Variants in ELAC2 observed in about 807,000 individuals in gnomAD.
The protein encoded by ELAC2 is elaC ribonuclease Z 2.
A neutral mutation model predicts 105.2 loss-of-function variants in ELAC2; 92 were observed. That is an observed-to-expected ratio of 0.87 (90% CI 0.74 to 1.04). The LOEUF (loss-of-function observed/expected upper bound fraction) is 1.04. Ranked by LOEUF, ELAC2 falls within the 50% of genes least tolerant of loss-of-function variation. The pLI is 0.00. For synonymous variants in ELAC2, 468 were observed against 409.1 expected (o/e 1.14, Z -1.74); for missense variants, 1,099 against 1,071.7 (o/e 1.03, Z -0.36).
rs1181801920 is a variant in ELAC2 at position 13,002,342 on chromosome 17, G to A, written c.1236C>T (p.Leu412=). The change falls in exon 14 of 24, where the codon CTC becomes CTT. Residue 412 remains leucine (L), a synonymous_variant. Transcript: ENST00000338034. ...SFRCKKEGPT[L]SVPMVQGECL... ...ATTCACCCTGAACCATGGGCACACT[G>A]AGGGTGGGGCCCTCCTTCTGAAAGA... The A allele has an allele frequency of 6.2e-7, 1 of 1,614,104 alleles. No individual in the cohort carries two copies. Among genetic ancestry groups the A allele is most frequent in the Non-Finnish European group, 8.5e-7 (1 of 1,180,050 alleles).
intron 14 of ELAC2, 43 bp from the exon 15 acceptor site, chr17:13,000,317 T>C (rs373784693): frequency 1.3e-6 from 2 of 1,572,636 alleles, no homozygotes; most frequent in African/African-American, 2.7e-5. Context: ...GGACAGGGTA[T>C]ATGGCCTCAG....
chr17:13,013,507 G>A lies in ELAC2; in HGVS notation c.491-232C>T, dbSNP rs113988750. 8.3e-4 allele frequency among the ~76,000 whole-genome samples: 125 copies of A among 151,240 alleles called. 2 individuals carry two copies. Among genetic ancestry groups the A allele is most frequent in the African/African-American group, 2.9e-3 (121 of 41,208 alleles). ...CAGATGAAAAGACATTATAATCTTTGGTGACTATCCGTTAAAAATTGAAAA... is the reference window on the plus strand; with the variant it reads ...CAGATGAAAAGACATTATAATCTTTAGTGACTATCCGTTAAAAATTGAAAA... On this transcript the variant is annotated intron_variant, in intron 5 of 23. Coordinates refer to ENST00000338034, the MANE Select transcript of ELAC2 (RefSeq NM_018127.7).
intron 11 of ELAC2, among the ~76,000 whole-genome samples, chr17:13,004,458 A>G (rs1256660109): frequency 6.6e-6 from 1 of 152,242 alleles, no homozygotes; most frequent in African/African-American, 2.4e-5. Flanking sequence ...AGGTGGGTCA[A>G]AGATGATTCC....
chr17:12,993,085 G>A (rs764819139), intron 23 of ELAC2, 40 bp from the exon 24 acceptor site: 14 of 1,586,318 alleles, frequency 8.8e-6, no homozygotes, highest in Non-Finnish European at 1.7e-6. Flanking sequence ...GTCTCAGAGG[G>A]GCAGGGGTGG....
At chr17:13,002,250 C>T (rs1284232193) in intron 14 of ELAC2, 24 bp downstream of exon 14, 2 of 1,613,238 alleles carry the variant, frequency 1.2e-6, no homozygotes, top group Admixed American at 1.7e-5. Context: ...TGAGACGATT[C>T]CATTAGTTCA....
intron 15 of ELAC2, 87 bp downstream of exon 15, chr17:13,000,068 GC>G: frequency 8.2e-7 from 1 of 1,217,014 alleles, no homozygotes. Flanking sequence ...GTTAGAATGC[GC>G]CCCACCAGCA....
In ELAC2 at chr17:12,997,059, G is replaced by A. The variant is rs577726106; in HGVS notation, c.1521-374C>T. 8.5e-5 allele frequency among the ~76,000 whole-genome samples: 13 copies of A among 152,212 alleles called. No individual in the cohort carries two copies. In the East Asian group the frequency reaches 2.1e-3, roughly 25 times the overall value. ...GTTGAAAATACCAGGACAGGCACTG[G>A]GCCATATGAGACTCTTTCTAGGTCC... On this transcript the variant is annotated intron_variant, in intron 16 of 23. Transcript: ENST00000338034.
Position 13,014,432 on chromosome 17 carries a change from G to A in ELAC2, c.490+7C>T, listed in dbSNP as rs766911112. 2 of 1,610,074 alleles carry A rather than the reference G, an allele frequency of 1.2e-6. No homozygotes were observed. The highest frequency in any genetic ancestry group is 3.3e-5 in the Admixed American group (2 of 59,988). On this transcript the variant is annotated splice_region_variant and intron_variant, in intron 5 of 23. Transcript: ENST00000338034. Reference sequence around the variant, plus strand: ...TAGCAGAGGATGAGTCACAGACAAAGACGTACCCAGTTCTATTCCTTTCAA... The same window carrying A: ...TAGCAGAGGATGAGTCACAGACAAAAACGTACCCAGTTCTATTCCTTTCAA...
At chr17:13,017,647 C>CA in intron 1 of ELAC2, 56 bp downstream of exon 1, 1 of 1,611,756 alleles carries the variant, frequency 6.2e-7, no homozygotes, top group South Asian at 1.1e-5. Context: ...CCCCGATGCT[C>CA]AGAGGCTGCG....
chr17:13,017,985 A>T lies in ELAC2; in HGVS notation c.-38T>A. 1 of 1,534,114 alleles carries T rather than the reference A, an allele frequency of 6.5e-7. No homozygotes were observed. Among genetic ancestry groups the T allele is most frequent in the South Asian group, 1.2e-5 (1 of 83,850 alleles). ...ACCAAAACTGAGAAAGCCGCCGGTC[A>T]CCTACGCCCGCGTTTCCCGTGCACC... On this transcript the variant is annotated 5_prime_UTR_variant, in exon 1 of 24. Coordinates refer to ENST00000338034, the MANE Select transcript of ELAC2 (RefSeq NM_018127.7).
chr17:13,007,553 G>A (rs1198571458), intron 8 of ELAC2, among the ~76,000 whole-genome samples: 1 of 152,226 alleles, frequency 6.6e-6, no homozygotes, highest in Non-Finnish European at 1.5e-5. Flanking sequence ...AAACGGGTTT[G>A]AGGATGGCAA....
chr17:13,013,718 C>A (rs1299993729), intron 5 of ELAC2, among the ~76,000 whole-genome samples: 2 of 152,222 alleles, frequency 1.3e-5, no homozygotes, highest in Non-Finnish European at 2.9e-5. Context: ...GCCCTACTAG[C>A]ATCCTCAGTG....
intron 4 of ELAC2, 55 bp downstream of exon 4, chr17:13,015,712 TA>T: frequency 6.8e-7 from 1 of 1,477,028 alleles, no homozygotes; most frequent in Non-Finnish European, 9.5e-7. Context: ...AAATTCTTGT[TA>T]CTGATATTAC....
rs764323915 is a variant in ELAC2, at chr17:13,005,806, G to C, written c.817C>G (p.Pro273Ala). Residue 273 changes from proline (P) to alanine (A), a missense_variant, in exon 10 of 24, where the codon CCC becomes GCC. Physicochemically the swap from Pro to Ala is conservative, Grantham distance 27 (BLOSUM62 -1). Transcript: ENST00000338034. Reference sequence around the variant, plus strand: ...CCGTCCTTGACAGCAGCAATGATGGGAGCGATGGCAGCTGTCCCACTGAAA... The same window carrying C: ...CCGTCCTTGACAGCAGCAATGATGGCAGCGATGGCAGCTGTCCCACTGAAA... ...GLPVGTAAIA[P>A]IIAAVKDGKS... 1 of 1,614,146 alleles carries C rather than the reference G, an allele frequency of 6.2e-7. No homozygotes were observed. Among genetic ancestry groups the C allele is most frequent in the Non-Finnish European group, 8.5e-7 (1 of 1,180,034 alleles).
intron 14 of ELAC2, chr17:13,000,961 T>G (rs1228993705): frequency 6.4e-6 from 1 of 156,778 alleles, no homozygotes; most frequent in Non-Finnish European, 1.4e-5. Context: ...GAATGTCGGC[T>G]AGGGCTGTGT....
At position 13,017,788 on chromosome 17, in the gene ELAC2, C is replaced by A. The variant is rs773543853; in HGVS notation, c.160G>T (p.Gly54Cys). 7 of 1,608,806 alleles carry A rather than the reference C, an allele frequency of 4.4e-6. No individual in the cohort carries two copies. The South Asian group carries it at 5.5e-5, about 13-fold the overall frequency. The change falls in exon 1 of 24, where the codon GGC becomes TGC. Residue 54 changes from glycine to cysteine, a missense_variant. Physicochemically the swap from Gly to Cys is radical, Grantham distance 159. Transcript: ENST00000338034. Reference protein sequence around the residue: ...EKRGPSGCSGGPNTVYLQVVA... With the variant: ...EKRGPSGCSGCPNTVYLQVVA... Reference sequence around the variant, plus strand: ...ACCTGCAGGTACACGGTGTTTGGGCCGCCGGAGCACCCCGACGGTCCGCGC... The same window carrying A: ...ACCTGCAGGTACACGGTGTTTGGGCAGCCGGAGCACCCCGACGGTCCGCGC...
At position 12,991,846 on chromosome 17, in the gene ELAC2, AACTT is replaced by A. The variant is rs374351010; in HGVS notation, c.*968_*971del. On this transcript the variant is annotated 3_prime_UTR_variant, in exon 24 of 24. Transcript: ENST00000338034. ...AATATACACAATAAATACTAGATTCAACTTACTTACTTACTTACTTACTTTACTT... is the reference window on the plus strand; with the variant it reads ...AATATACACAATAAATACTAGATTCAACTTACTTACTTACTTACTTTACTT... Among the ~76,000 whole-genome samples the A allele has an allele frequency of 5.6e-3, 855 of 151,462 alleles. 5 individuals carry two copies. Among genetic ancestry groups the A allele is most frequent in the African/African-American group, 9.0e-3 (373 of 41,330 alleles).
In ELAC2 at chr17:12,991,758, A is replaced by C. The variant is rs945234329; in HGVS notation, c.*1060T>G. On this transcript the variant is annotated 3_prime_UTR_variant, in exon 24 of 24. Transcript: ENST00000338034. ...CTGTGTAAAGCCAGGTCCCTGGCTGATCTCTCGCTTGCTTGTCTTTTGAGT... is the reference window on the plus strand; with the variant it reads ...CTGTGTAAAGCCAGGTCCCTGGCTGCTCTCTCGCTTGCTTGTCTTTTGAGT... 1 of 213,268 alleles carries C rather than the reference A, an allele frequency of 4.7e-6. No individual in the cohort carries two copies. Among genetic ancestry groups the C allele is most frequent in the Non-Finnish European group, 9.5e-6 (1 of 105,180 alleles). 13.2% of individuals were successfully genotyped at this position (213,268 alleles called of 1,614,324 possible).
In ELAC2 at chr17:13,013,158, T is replaced by C. The variant is rs375171491; in HGVS notation, c.559+49A>G. On this transcript the variant is annotated intron_variant, in intron 6 of 23. Coordinates refer to ENST00000338034, the MANE Select transcript of ELAC2 (RefSeq NM_018127.7). ...TTTCTATTTTCATCCATGTTTTCTTTACTCAGGACGTACACCCTCCTCCTG... is the reference window on the plus strand; with the variant it reads ...TTTCTATTTTCATCCATGTTTTCTTCACTCAGGACGTACACCCTCCTCCTG... 3.8e-6 allele frequency: 6 copies of C among 1,599,056 alleles called. No individual in the cohort carries two copies. The African/African-American group carries it at 4.0e-5, about 11-fold the overall frequency.
Sources: gnomAD v4.1 joint callset for allele counts (sites outside exome capture counted in the v4.1 genomes callset) on GRCh38, gnomAD v4.1.1 for gene constraint, MANE v1.5 for transcripts, NCBI Gene and HGNC (gene_info 2026-07-23, HGNC 2026-07-21) for gene names.